ABL1: variants seen among roughly 807,000 people sequenced by gnomAD.
The protein encoded by ABL1 is ABL proto-oncogene 1, non-receptor tyrosine kinase.
In ABL1, 11 loss-of-function variants were observed where a neutral mutation model predicts 94.7. The ratio of observed to expected loss-of-function variants is 0.12; its 90% CI spans 0.07 to 0.19. ABL1 has a LOEUF of 0.19. Ranked by LOEUF, ABL1 falls within the 10% of genes least tolerant of loss-of-function variation. The pLI is 1.00. For missense variants in ABL1, 1,082 were observed against 1,489.4 expected (o/e 0.73, Z 4.50); for synonymous variants, 656 against 622.4 (o/e 1.05, Z -0.80).
intron 1 of ABL1, among the ~76,000 whole-genome samples, chr9:130,839,077 A>AATTT (rs1564306437): frequency 1.4e-5 from 2 of 143,978 alleles, no homozygotes; most frequent in Non-Finnish European, 1.5e-5. Flanking sequence ...ACTAATTAAA[A>AATTT]TTTTTTTTTT....
chr9:130,821,314 C>T (rs1047611831), intron 1 of ABL1, among the ~76,000 whole-genome samples: 18 of 152,242 alleles, frequency 1.2e-4, no homozygotes, highest in African/African-American at 4.3e-4. Context: ...ACTTCCAGCC[C>T]CAGGCGACCA....
At chr9:130,868,060 A>G (rs1040247246) in intron 4 of ABL1, among the ~76,000 whole-genome samples, 9 of 152,004 alleles carry the variant, frequency 5.9e-5, no homozygotes, top group Admixed American at 5.2e-4. Flanking sequence ...CCCGGGTTCA[A>G]GCAATTCTCC....
chr9:130,744,856 CAAA>C (rs796361842), intron 1 of ABL1, among the ~76,000 whole-genome samples: 1 of 58,358 alleles, frequency 1.7e-5, no homozygotes. Flanking sequence ...GACTCCGTCT[CAAA>C]AAAAAAAAAA....
At chr9:130,808,534 G>A (rs574083878) in intron 1 of ABL1, among the ~76,000 whole-genome samples, 8 of 152,154 alleles carry the variant, frequency 5.3e-5, no homozygotes, top group African/African-American at 1.2e-4. Context: ...ATGAGCCATC[G>A]CACCCAGCTT....
At chr9:130,875,446 C>CTT (rs34709473) in intron 7 of ABL1, among the ~76,000 whole-genome samples, 2 of 145,132 alleles carry the variant, frequency 1.4e-5, no homozygotes, top group South Asian at 2.2e-4. Flanking sequence ...CACAGCCACC[C>CTT]TTTTTTTTTT....
At chr9:130,791,102 A>G (rs1829903413) in intron 1 of ABL1, among the ~76,000 whole-genome samples, 1 of 152,266 alleles carries the variant, frequency 6.6e-6, no homozygotes, top group Admixed American at 6.5e-5. Context: ...TAAACATATC[A>G]GTAAACCTGT....
chr9:130,837,145 G>T (rs1402027759), intron 1 of ABL1, among the ~76,000 whole-genome samples: 1 of 152,198 alleles, frequency 6.6e-6, no homozygotes, highest in African/African-American at 2.4e-5. Context: ...TCTAGGTGGA[G>T]TGGGCTCACA....
rs1831081770 is a variant in ABL1, at chr9:130,862,034, G to T, written c.550-729G>T. ...TCACACGGGGACCGAATGCTCTTGT[G>T]TCGTAAATCCTTCCTTTTGCTTCCT... On this transcript the variant is annotated intron_variant, in intron 3 of 10. Transcript: ENST00000318560. This position sits in a 1 kb window ranked among gnomAD's most constrained non-coding sequence, Gnocchi z 5.5. Among the ~76,000 whole-genome samples the T allele has an allele frequency of 6.6e-6, 1 of 152,214 alleles. No individual in the cohort carries two copies. The highest frequency in any genetic ancestry group is 1.9e-4 in the East Asian group (1 of 5,204).
intron 1 of ABL1, among the ~76,000 whole-genome samples, chr9:130,770,629 T>C (rs1832240585): frequency 1.3e-5 from 2 of 152,272 alleles, no homozygotes; most frequent in South Asian, 2.1e-4. Context: ...TTGGCACATA[T>C]AGTGCTTACT....
chr9:130,790,917 C>T (rs1226290493), intron 1 of ABL1, among the ~76,000 whole-genome samples: 1 of 152,174 alleles, frequency 6.6e-6, no homozygotes, highest in Admixed American at 6.5e-5. Context: ...TCTCCTTGGG[C>T]CTTCAGGCCC....
intron 1 of ABL1, among the ~76,000 whole-genome samples, chr9:130,714,901 A>G (rs1457028258): frequency 2.6e-5 from 4 of 152,218 alleles, no homozygotes; most frequent in Non-Finnish European, 5.9e-5. Context: ...GAGAAAGTTA[A>G]GAATCATAGA....
At chr9:130,821,605 T>TG in intron 1 of ABL1, among the ~76,000 whole-genome samples, 1 of 151,994 alleles carries the variant, frequency 6.6e-6, no homozygotes, top group East Asian at 1.9e-4. Context: ...TATAAGTCTT[T>TG]GTGTGGATAT....
intron 1 of ABL1, among the ~76,000 whole-genome samples, chr9:130,850,759 G>A (rs1026754779): frequency 6.6e-6 from 1 of 151,740 alleles, no homozygotes; most frequent in Non-Finnish European, 1.5e-5. Flanking sequence ...TGCCTGCCTC[G>A]GCCTCCCAAA....
intron 3 of ABL1, 65 bp downstream of exon 3, chr9:130,855,161 G>T: frequency 2.0e-6 from 3 of 1,505,204 alleles, no homozygotes; most frequent in Non-Finnish European, 2.7e-6. Flanking sequence ...TCCTGCTGTC[G>T]GATTGATAAA....
Position 130,884,855 on chromosome 9 carries a change from C to T in ABL1, c.2565C>T (p.Ser855=). ...CAGCTGAGCCAGTGACCCCCACCAG[C>T]AAAGCAGGCTCAGGTGCACCAGGGG... The part of the protein sequence containing the change: ...PAAAEPVTPT[S]KAGSGAPGGT... Residue 855 remains serine, a synonymous_variant, in exon 11 of 11, where the codon AGC becomes AGT. Transcript: ENST00000318560. The surrounding 1 kb of genome is among the most constrained non-coding windows in gnomAD (Gnocchi z 5.6). 6.2e-7 allele frequency: 1 copy of T among 1,605,698 alleles called. No individual in the cohort carries two copies. Among genetic ancestry groups the T allele is most frequent in the Non-Finnish European group, 8.5e-7 (1 of 1,175,714 alleles).
At chr9:130,791,733 C>T (rs1433596758) in intron 1 of ABL1, among the ~76,000 whole-genome samples, 1 of 152,160 alleles carries the variant, frequency 6.6e-6, no homozygotes, top group Non-Finnish European at 1.5e-5. Context: ...GCTTTTGCCA[C>T]AGACTAATGG....
chr9:130,873,041 G>A lies in ABL1; in HGVS notation c.1085+4G>A. On this transcript the variant is annotated splice_donor_region_variant and intron_variant, in intron 6 of 10. Coordinates refer to ENST00000318560, the MANE Select transcript of ABL1 (RefSeq NM_005157.6). Reference sequence around the variant, plus strand: ...AGAAGAAAAACTTCATCCACAGGTAGGGGCCTGGCCAGGCAGCCTGCGCCA... The same window carrying A: ...AGAAGAAAAACTTCATCCACAGGTAAGGGCCTGGCCAGGCAGCCTGCGCCA... 1 of 1,612,512 alleles carries A rather than the reference G, an allele frequency of 6.2e-7. No homozygotes were observed. Among genetic ancestry groups the A allele is most frequent in the Non-Finnish European group, 8.5e-7 (1 of 1,179,168 alleles).
At chr9:130,719,504 C>A (rs1434892512) in intron 1 of ABL1, among the ~76,000 whole-genome samples, 1 of 152,056 alleles carries the variant, frequency 6.6e-6, no homozygotes, top group Admixed American at 6.6e-5. Context: ...GCACTCCCAG[C>A]CTGGGCGACG....
intron 1 of ABL1, among the ~76,000 whole-genome samples, chr9:130,765,537 A>C (rs1832172498): frequency 6.6e-6 from 1 of 152,198 alleles, no homozygotes; most frequent in Non-Finnish European, 1.5e-5. Flanking sequence ...TCTACATCAA[A>C]AGAATAGAAA....
Sources: gnomAD v4.1 joint callset for allele counts (sites outside exome capture counted in the v4.1 genomes callset) on GRCh38, gnomAD v4.1.1 for gene constraint, Gnocchi (gnomAD v3.1) non-coding constraint, MANE v1.5 for transcripts, NCBI Gene and HGNC (gene_info 2026-07-23, HGNC 2026-07-21) for gene names.